PTPRD: variants seen among roughly 807,000 people sequenced by gnomAD.
PTPRD encodes the protein protein tyrosine phosphatase receptor type D, also known as receptor-type tyrosine-protein phosphatase delta.
PTPRD carries 34 observed loss-of-function variants against 214.5 expected under a neutral mutation model. The observed-to-expected ratio is 0.16, with a 90% CI of 0.12 to 0.21. The LOEUF (loss-of-function observed/expected upper bound fraction) is 0.21, where lower values mean the gene tolerates loss of function less well. Among genes scored for constraint, PTPRD ranks in the 10% least tolerant of loss-of-function variants. The probability of loss-of-function intolerance (pLI) is 1.00; values close to 1 mark genes in which losing one functional copy is unlikely to be tolerated. For missense variants in PTPRD, 2,545 were observed against 2,398.7 expected (o/e 1.06, Z -1.27); for synonymous variants, 1,128 against 845.7 (o/e 1.33, Z -5.79).
intron 5 of PTPRD, among the ~76,000 whole-genome samples, chr9:9,878,054 C>T (rs973347431): frequency 1.3e-5 from 2 of 150,544 alleles, no homozygotes; most frequent in Non-Finnish European, 3.0e-5. Flanking sequence ...CAAGTATAAT[C>T]TCACTGATTG....
At chr9:9,027,536 T>C (rs1050753477) in intron 10 of PTPRD, among the ~76,000 whole-genome samples, 15 of 151,952 alleles carry the variant, frequency 9.9e-5, no homozygotes, top group African/African-American at 3.6e-4. Context: ...ATATTAAGTG[T>C]TGATGTGGGG....
intron 11 of PTPRD, among the ~76,000 whole-genome samples, chr9:8,925,728 G>A (rs1438100764): frequency 1.3e-5 from 2 of 151,406 alleles, no homozygotes; most frequent in East Asian, 1.9e-4. Flanking sequence ...ACCGAGTACT[G>A]TTCTGTTCAG....
At chr9:9,667,703 G>A (rs184924808) in intron 7 of PTPRD, among the ~76,000 whole-genome samples, 232 of 152,244 alleles carry the variant, frequency 1.5e-3, no homozygotes, top group African/African-American at 5.1e-3. Context: ...TGAATGTTTA[G>A]AGAACTGGTC....
chr9:9,222,505 C>A (rs923798909), intron 9 of PTPRD, among the ~76,000 whole-genome samples: 2 of 151,906 alleles, frequency 1.3e-5, no homozygotes, highest in East Asian at 3.9e-4. Flanking sequence ...TAGAGTTATG[C>A]CCACAAAGCT....
intron 3 of PTPRD, among the ~76,000 whole-genome samples, chr9:10,306,121 A>T (rs1345071551): frequency 6.6e-6 from 1 of 152,066 alleles, no homozygotes; most frequent in Non-Finnish European, 1.5e-5. Flanking sequence ...TGTCCTTTGC[A>T]GGGACATGGA....
intron 11 of PTPRD, among the ~76,000 whole-genome samples, chr9:8,846,843 CT>C (rs1172390892): frequency 6.6e-6 from 1 of 152,072 alleles, no homozygotes; most frequent in Non-Finnish European, 1.5e-5. Context: ...ATATTTCATG[CT>C]TTTTACAGAC....
chr9:10,286,533 C>A (rs1045746215), intron 3 of PTPRD, among the ~76,000 whole-genome samples: 3 of 150,796 alleles, frequency 2.0e-5, no homozygotes, highest in African/African-American at 7.4e-5. Context: ...GGAAAGGGTG[C>A]ATAAGATTAA....
At chr9:8,424,105 G>A (rs928016664) in intron 35 of PTPRD, among the ~76,000 whole-genome samples, 12 of 152,062 alleles carry the variant, frequency 7.9e-5, no homozygotes, top group Admixed American at 1.3e-4. Flanking sequence ...AAACTAAGTC[G>A]TTTTGTTGTT....
intron 9 of PTPRD, among the ~76,000 whole-genome samples, chr9:9,392,787 A>T (rs1351391466): frequency 6.6e-6 from 1 of 152,156 alleles, no homozygotes; most frequent in Non-Finnish European, 1.5e-5. Flanking sequence ...CTTCAACAAT[A>T]TTTTGTAGTC....
chr9:8,363,670 T>G (rs977138434), intron 39 of PTPRD, among the ~76,000 whole-genome samples: 1 of 152,134 alleles, frequency 6.6e-6, no homozygotes, highest in Non-Finnish European at 1.5e-5. Flanking sequence ...GAGAAAGAAA[T>G]TAATAAGCCT....
intron 2 of PTPRD, among the ~76,000 whole-genome samples, chr9:10,490,008 T>C (rs2099156756): frequency 6.6e-6 from 1 of 152,188 alleles, no homozygotes; most frequent in Non-Finnish European, 1.5e-5. Context: ...CGCATTGTTT[T>C]GTGTTTATGT....
intron 6 of PTPRD, among the ~76,000 whole-genome samples, chr9:9,739,056 C>G (rs906732259): frequency 6.6e-6 from 1 of 152,126 alleles, no homozygotes; most frequent in Non-Finnish European, 1.5e-5. Flanking sequence ...CTGGTACATT[C>G]CTTTCAATTT....
At chr9:9,682,377 G>A (rs2097091989) in intron 7 of PTPRD, among the ~76,000 whole-genome samples, 1 of 151,668 alleles carries the variant, frequency 6.6e-6, no homozygotes, top group Admixed American at 6.6e-5. Context: ...ATCTCCTACT[G>A]AGAATGCTCA....
chr9:8,438,520 T>C (rs550942210), intron 34 of PTPRD, among the ~76,000 whole-genome samples: 12 of 152,298 alleles, frequency 7.9e-5, no homozygotes, highest in Middle Eastern at 3.4e-3. Flanking sequence ...ATGGAGGAAG[T>C]GTGAGGGTGA....
intron 9 of PTPRD, among the ~76,000 whole-genome samples, chr9:9,379,722 G>C (rs1014409549): frequency 6.6e-6 from 1 of 151,802 alleles, no homozygotes; most frequent in Admixed American, 6.6e-5. Flanking sequence ...TTATAGTTTT[G>C]TAGTTTTCCT....
chr9:9,296,435 T>C (rs1425110405), intron 9 of PTPRD, among the ~76,000 whole-genome samples: 1 of 151,790 alleles, frequency 6.6e-6, no homozygotes, highest in East Asian at 2.0e-4. Flanking sequence ...TTTTAAATAA[T>C]TGAGTTGACC....
chr9:10,405,361 A>C (rs10756034), intron 2 of PTPRD, among the ~76,000 whole-genome samples: 1 of 151,406 alleles, frequency 6.6e-6, no homozygotes, highest in Non-Finnish European at 1.5e-5. Context: ...ATTTTTACTT[A>C]TATTTTCTAC....
chr9:10,506,222 A>T (rs564083374), intron 2 of PTPRD, among the ~76,000 whole-genome samples: 1 of 152,278 alleles, frequency 6.6e-6, no homozygotes, highest in South Asian at 2.1e-4. Context: ...TTTAAAAAAC[A>T]TTTTGAGATA....
At chr9:9,417,255 A>G (rs574204280) in intron 8 of PTPRD, among the ~76,000 whole-genome samples, 2 of 152,296 alleles carry the variant, frequency 1.3e-5, no homozygotes, top group South Asian at 4.1e-4. Flanking sequence ...TCTGCTTGGT[A>G]AAATTAGAGT....
Sources: gnomAD v4.1 joint callset for allele counts (sites outside exome capture counted in the v4.1 genomes callset) on GRCh38, gnomAD v4.1.1 for gene constraint, MANE v1.5 for transcripts, NCBI Gene and HGNC (gene_info 2026-07-23, HGNC 2026-07-21) for gene names.